NLGN4X: variants seen among roughly 807,000 people sequenced by gnomAD.
The protein encoded by NLGN4X is neuroligin 4 X-linked, also known as neuroligin-4, X-linked.
In NLGN4X, 3 loss-of-function variants were observed where a neutral mutation model predicts 40.3. The observed-to-expected ratio is 0.07, with a 90% CI of 0.03 to 0.19. NLGN4X has a LOEUF of 0.19. Among genes scored for constraint, NLGN4X ranks in the 10% least tolerant of loss-of-function variants. NLGN4X has a pLI of 1.00. For missense variants in NLGN4X, 382 were observed against 708.3 expected (o/e 0.54, Z 5.23); for synonymous variants, 270 against 306.8 (o/e 0.88, Z 1.25).
intron 1 of NLGN4X, among the ~76,000 whole-genome samples, chrX:6,171,060 G>A (rs1034468690): frequency 8.9e-6 from 1 of 112,301 alleles, no homozygotes; most frequent in Admixed American, 9.4e-5. Context: ...TTGGACTCAA[G>A]AGATCTGCCT....
At position 6,176,824 on chromosome X, in the gene NLGN4X, G is replaced by A. The variant is rs370124117; in HGVS notation, c.-305-25053C>T. On this transcript the variant is annotated intron_variant, in intron 1 of 5. Transcript: ENST00000381095. Reference sequence around the variant, plus strand: ...TTTTGGACTTCTGACCTCTAGAGCTGTAAGCAGCCACTAAGTCTGTAGTAA... The same window carrying A: ...TTTTGGACTTCTGACCTCTAGAGCTATAAGCAGCCACTAAGTCTGTAGTAA... Among the ~76,000 whole-genome samples the A allele has an allele frequency of 2.2e-4, 25 of 111,835 alleles. No homozygotes were observed. In the East Asian group the frequency reaches 6.0e-3, roughly 27 times the overall value.
intron 3 of NLGN4X, among the ~76,000 whole-genome samples, chrX:5,930,530 G>C (rs187191155): frequency 2.9e-4 from 32 of 112,227 alleles, no homozygotes; most frequent in Non-Finnish European, 4.9e-4. Context: ...AGATTGCATG[G>C]ATCACAGAAA....
At position 6,064,897 on chromosome X, in the gene NLGN4X, TGTG is replaced by T. The variant is rs1235839136; in HGVS notation, c.473-35468_473-35466del. Among the ~76,000 whole-genome samples the T allele has an allele frequency of 5.0e-3, 552 of 110,418 alleles. 5 individuals are homozygous for T. Among genetic ancestry groups the T allele is most frequent in the African/African-American group, 0.018 (532 of 30,362 alleles). On this transcript the variant is annotated intron_variant, in intron 2 of 5. Coordinates refer to ENST00000381095, the MANE Select transcript of NLGN4X (RefSeq NM_181332.3). ...TCAACGGTGAACTGGATAAAGAAAA[TGTG>T]GTGTAATATACATCATGGAATACTA... is the stretch of plus-strand genomic sequence containing the variant.
intron 2 of NLGN4X, among the ~76,000 whole-genome samples, chrX:6,143,256 A>G (rs755715138): frequency 8.9e-6 from 1 of 112,339 alleles, no homozygotes; most frequent in African/African-American, 3.2e-5. Flanking sequence ...CTTGCCCATA[A>G]TGACTGATCT....
At chrX:5,951,218 G>T (rs2034299188) in intron 3 of NLGN4X, among the ~76,000 whole-genome samples, 1 of 111,828 alleles carries the variant, frequency 8.9e-6, no homozygotes, top group East Asian at 2.8e-4. Flanking sequence ...CATAAAATAA[G>T]AACTTTCTTC....
chrX:6,097,261 T>C (rs1337872875), intron 2 of NLGN4X, among the ~76,000 whole-genome samples: 11 of 109,132 alleles, frequency 1.0e-4, no homozygotes, highest in Admixed American at 8.8e-4. Flanking sequence ...CCTTATTTGT[T>C]TTCATGATAC....
At chrX:5,943,593 G>A (rs2034024356) in intron 3 of NLGN4X, among the ~76,000 whole-genome samples, 1 of 112,316 alleles carries the variant, frequency 8.9e-6, no homozygotes, top group Non-Finnish European at 1.9e-5. Flanking sequence ...AGAAATGAGG[G>A]TTTGTAGAAA....
intron 1 of NLGN4X, among the ~76,000 whole-genome samples, chrX:6,160,070 G>A: frequency 9.0e-6 from 1 of 111,377 alleles, no homozygotes; most frequent in Middle Eastern, 4.7e-3. Flanking sequence ...GAATGAATAA[G>A]ATCTAGTATT....
At chrX:6,130,565 C>G (rs1253851243) in intron 2 of NLGN4X, among the ~76,000 whole-genome samples, 4 of 112,674 alleles carry the variant, frequency 3.6e-5, no homozygotes, top group Admixed American at 9.4e-5. Context: ...AAACTGGCAA[C>G]AATGATGTTA....
At chrX:6,209,130 CAG>C (rs372288220) in intron 1 of NLGN4X, among the ~76,000 whole-genome samples, 27 of 111,892 alleles carry the variant, frequency 2.4e-4, no homozygotes, top group African/African-American at 8.8e-4. Flanking sequence ...AACTCGGAAA[CAG>C]AAAGTCAAAA....
intron 3 of NLGN4X, among the ~76,000 whole-genome samples, chrX:5,924,624 C>T (rs2033200281): frequency 9.0e-6 from 1 of 111,520 alleles, no homozygotes; most frequent in Non-Finnish European, 1.9e-5. Context: ...AATCAACGAG[C>T]GGATAAAGAA....
intron 2 of NLGN4X, among the ~76,000 whole-genome samples, chrX:6,045,360 C>T (rs145857394): frequency 1.8e-5 from 2 of 112,253 alleles, no homozygotes; most frequent in African/African-American, 3.2e-5. Flanking sequence ...TCATCCAAAA[C>T]GCAGTTCAAA....
chrX:5,984,373 C>T (rs1276568266), intron 3 of NLGN4X, among the ~76,000 whole-genome samples: 1 of 98,448 alleles, frequency 1.0e-5, no homozygotes, highest in Non-Finnish European at 2.0e-5. Context: ...AAATTTAATA[C>T]AAAATACAAA....
chrX:5,998,942 G>T (rs2035903261), intron 3 of NLGN4X, among the ~76,000 whole-genome samples: 1 of 112,195 alleles, frequency 8.9e-6, no homozygotes, highest in South Asian at 3.7e-4. Flanking sequence ...TGCATGGATT[G>T]GTGTTAAGTA....
chrX:5,909,340 C>G, intron 3 of NLGN4X, 101 bp from the exon 4 acceptor site: 1 of 990,409 alleles, frequency 1.0e-6, no homozygotes, highest in Non-Finnish European at 1.4e-6. Flanking sequence ...TCTTCATTCT[C>G]TCTCTCCTCA....
At chrX:6,124,509 G>A (rs1256131374) in intron 2 of NLGN4X, among the ~76,000 whole-genome samples, 3 of 111,293 alleles carry the variant, frequency 2.7e-5, no homozygotes, top group Non-Finnish European at 3.8e-5. Flanking sequence ...AAGTGAAACC[G>A]CGTCTCTACT....
intron 1 of NLGN4X, among the ~76,000 whole-genome samples, chrX:6,225,565 G>C (rs1926132969): frequency 9.3e-6 from 1 of 107,984 alleles, no homozygotes; most frequent in Non-Finnish European, 1.9e-5. Context: ...AAGCTACCCC[G>C]GATTTCTTAA....
At chrX:6,146,669 A>G (rs1002385457) in intron 2 of NLGN4X, among the ~76,000 whole-genome samples, 17 of 101,373 alleles carry the variant, frequency 1.7e-4, no homozygotes, top group African/African-American at 5.9e-4. Flanking sequence ...CTTTTTTAAT[A>G]TCTTCCTTTT....
rs138345421 is a variant in NLGN4X at position 6,060,740 on chromosome X, T to C, written c.473-31308A>G. Among the ~76,000 whole-genome samples, 258 of 111,519 alleles carry C rather than the reference T, an allele frequency of 2.3e-3. 1 individual carries two copies. The highest frequency in any genetic ancestry group is 7.6e-3 in the African/African-American group (235 of 30,730). ...ACTAACCCATTTACCCATGTGACAA[T>C]AATGGCCCCATCTTTTGTGCCTCCT... On this transcript the variant is annotated intron_variant, in intron 2 of 5. Transcript: ENST00000381095.
Sources: allele counts gnomAD v4.1 joint callset (sites outside exome capture counted in the v4.1 genomes callset), GRCh38; gene constraint gnomAD v4.1.1; transcripts MANE v1.5; gene names NCBI Gene and HGNC (gene_info 2026-07-23, HGNC 2026-07-21).